MAGI3: variants seen among roughly 807,000 people sequenced by gnomAD.
MAGI3 encodes membrane-associated guanylate kinase, WW and PDZ domain-containing protein 3.
A neutral mutation model predicts 121.8 loss-of-function variants in MAGI3; 43 were observed. The observed-to-expected ratio is 0.35, with a 90% CI of 0.28 to 0.46. MAGI3 has a LOEUF of 0.46. Ranked by LOEUF, MAGI3 falls within the 20% of genes least tolerant of loss-of-function variation. The pLI is 1.00. For synonymous variants in MAGI3, 553 were observed against 639.3 expected, an observed-to-expected ratio of 0.86 and a Z score of 2.04; for missense variants, 1,547 against 1,797.3, an observed-to-expected ratio of 0.86 and a Z score of 2.52.
chr1:113,406,755 T>TA (rs202091147), intron 1 of MAGI3, among the ~76,000 whole-genome samples: 108 of 146,578 alleles, frequency 7.4e-4, no homozygotes, highest in Non-Finnish European at 1.1e-3. Context: ...AACAGGTAAA[T>TA]AAAAAAAAAA....
chr1:113,449,286 A>G (rs1205438922), intron 1 of MAGI3, among the ~76,000 whole-genome samples: 1 of 151,890 alleles, frequency 6.6e-6, no homozygotes, highest in Non-Finnish European at 1.5e-5. Flanking sequence ...ATAATGCATG[A>G]GTGGTGAATT....
intron 1 of MAGI3, chr1:113,450,834 G>A: frequency 1.5e-6 from 1 of 685,590 alleles, no homozygotes; most frequent in Non-Finnish European, 2.6e-6. Flanking sequence ...ATGCATTAGA[G>A]GAACTGTAAA....
chr1:113,535,709 A>C (rs1022868699), intron 1 of MAGI3, among the ~76,000 whole-genome samples: 1 of 152,126 alleles, frequency 6.6e-6, no homozygotes, highest in Non-Finnish European at 1.5e-5. Context: ...GAAAATACTT[A>C]TTACCGCACA....
chr1:113,458,907 T>G (rs1654898129), intron 1 of MAGI3, among the ~76,000 whole-genome samples: 1 of 152,190 alleles, frequency 6.6e-6, no homozygotes, highest in African/African-American at 2.4e-5. Flanking sequence ...AAAAACAACC[T>G]TATTAGAAAC....
chr1:113,597,821 G>C (rs1174021704), intron 6 of MAGI3, among the ~76,000 whole-genome samples: 1 of 152,206 alleles, frequency 6.6e-6, no homozygotes, highest in Non-Finnish European at 1.5e-5. Context: ...GAAGGAATTT[G>C]ACATTACCAG....
intron 1 of MAGI3, among the ~76,000 whole-genome samples, chr1:113,450,932 C>A (rs1043376190): frequency 1.3e-5 from 2 of 152,116 alleles, no homozygotes; most frequent in African/African-American, 4.8e-5. Context: ...ACTGTCATAG[C>A]CACAGTTTGC....
chr1:113,442,834 A>G (rs1573996), intron 1 of MAGI3, among the ~76,000 whole-genome samples: 23,620 of 152,090 alleles, frequency 0.16, 2,891 homozygotes, highest in East Asian at 0.63. Context: ...CACAGCTGCT[A>G]GTTTTGTCTG....
chr1:113,649,632 G>T (rs956246288), intron 13 of MAGI3, among the ~76,000 whole-genome samples: 1 of 152,130 alleles, frequency 6.6e-6, no homozygotes, highest in African/African-American at 2.4e-5. Flanking sequence ...TCATTAAACA[G>T]AGTCTAAGAC....
At chr1:113,620,815 G>A (rs1303163335) in intron 8 of MAGI3, among the ~76,000 whole-genome samples, 1 of 152,140 alleles carries the variant, frequency 6.6e-6, no homozygotes, top group African/African-American at 2.4e-5. Context: ...GTAATCTTGG[G>A]TACGTTTCCT....
chr1:113,425,306 G>A (rs1249957813), intron 1 of MAGI3, among the ~76,000 whole-genome samples: 4 of 110,266 alleles, frequency 3.6e-5, no homozygotes, highest in South Asian at 3.0e-4. Flanking sequence ...TTTTTGAGAC[G>A]GAGCCTTGCT....
intron 1 of MAGI3, among the ~76,000 whole-genome samples, chr1:113,532,256 T>C (rs1252610340): frequency 1.3e-5 from 2 of 152,134 alleles, no homozygotes; most frequent in Non-Finnish European, 2.9e-5. Flanking sequence ...ATGTTTGTAT[T>C]GCAGTTATTA....
intron 4 of MAGI3, 144 bp from the exon 5 acceptor site, chr1:113,590,340 A>C: frequency 1.3e-6 from 1 of 768,478 alleles, no homozygotes; most frequent in Non-Finnish European, 2.1e-6. Context: ...GGTTATTTTA[A>C]AATTTATAGC....
chr1:113,637,808 A>G (rs1443478404), intron 9 of MAGI3, among the ~76,000 whole-genome samples: 1 of 152,192 alleles, frequency 6.6e-6, no homozygotes, highest in Non-Finnish European at 1.5e-5. Context: ...TCTGCTGGAT[A>G]ATATCCTGCG....
chr1:113,593,514 A>G (rs1346978702), intron 5 of MAGI3, among the ~76,000 whole-genome samples: 1 of 152,086 alleles, frequency 6.6e-6, no homozygotes, highest in East Asian at 1.9e-4. Flanking sequence ...CTGCACTCCA[A>G]CCTGTGCAAC....
chr1:113,641,811 T>A lies in MAGI3; in HGVS notation c.1361-100T>A, dbSNP rs1256054778. 14 of 1,155,220 alleles carry A rather than the reference T, an allele frequency of 1.2e-5. 1 individual carries two copies. The highest frequency in any genetic ancestry group is 1.7e-5 in the Non-Finnish European group (14 of 840,704). The allele number at this position is 1,155,220 out of a possible 1,614,324, so 71.6% of individuals were successfully genotyped here. A position where few individuals can be genotyped will look rare whatever the true frequency, so the allele number is the denominator to read the frequency against. On this transcript the variant is annotated intron_variant, in intron 9 of 20. Coordinates refer to ENST00000307546, the MANE Select transcript of MAGI3 (RefSeq NM_001142782.2). ...AGCAGTTAATAGAGGTTTCCAAAAT[T>A]CAAATTTAGTTGCTAAATTGTAGTT... is the stretch of plus-strand genomic sequence containing the variant.
intron 1 of MAGI3, among the ~76,000 whole-genome samples, chr1:113,474,013 AC>A (rs1270014520): frequency 1.3e-5 from 2 of 152,088 alleles, no homozygotes; most frequent in African/African-American, 4.8e-5. Context: ...TTCTCTGATG[AC>A]CAGTGATGAT....
At chr1:113,414,727 CTTCTA>C (rs907000667) in intron 1 of MAGI3, among the ~76,000 whole-genome samples, 22 of 151,652 alleles carry the variant, frequency 1.5e-4, no homozygotes, top group East Asian at 5.8e-4. Flanking sequence ...AATGTTGAGT[CTTCTA>C]TTTTATTTTA....
chr1:113,475,018 A>G (rs1392980081), intron 1 of MAGI3, among the ~76,000 whole-genome samples: 1 of 152,082 alleles, frequency 6.6e-6, no homozygotes, highest in Non-Finnish European at 1.5e-5. Context: ...ATGGGAGTTC[A>G]CTCATGATTT....
chr1:113,637,555 G>A (rs1652119889), intron 9 of MAGI3, among the ~76,000 whole-genome samples: 1 of 152,166 alleles, frequency 6.6e-6, no homozygotes, highest in Non-Finnish European at 1.5e-5. Flanking sequence ...TTGAATATCG[G>A]CCCCCACTCT....
Sources: allele counts gnomAD v4.1 joint callset (sites outside exome capture counted in the v4.1 genomes callset), GRCh38; gene constraint gnomAD v4.1.1; transcripts MANE v1.5; gene names NCBI Gene and HGNC (gene_info 2026-07-23, HGNC 2026-07-21).